Variants in RNF130 observed in about 807,000 individuals in gnomAD.
RNF130 encodes E3 ubiquitin-protein ligase RNF130.
In RNF130, 21 loss-of-function variants were observed where a neutral mutation model predicts 44.6. The ratio of observed to expected loss-of-function variants is 0.47; its 90% CI spans 0.33 to 0.68. The LOEUF is 0.68. RNF130 is among the 30% of genes least tolerant of loss of function. RNF130 has a pLI of 0.02. For missense variants in RNF130, 479 were observed against 560.6 expected, an observed-to-expected ratio of 0.85 and a Z score of 1.47; for synonymous variants, 214 against 210.4, an observed-to-expected ratio of 1.02 and a Z score of -0.15.
chr5:179,966,269 C>A (rs1250578647), intron 7 of RNF130, among the ~76,000 whole-genome samples: 5 of 151,996 alleles, frequency 3.3e-5, no homozygotes, highest in Admixed American at 6.6e-5. Context: ...TTTCTCCTAC[C>A]TCATGTACAA....
At chr5:180,039,371 G>A (rs765633886) in intron 2 of RNF130, among the ~76,000 whole-genome samples, 1 of 151,800 alleles carries the variant, frequency 6.6e-6, no homozygotes, top group Admixed American at 6.6e-5. Context: ...TCAGTAGCTG[G>A]GATTACAGGT....
At chr5:180,037,310 C>T (rs1016790259) in intron 2 of RNF130, among the ~76,000 whole-genome samples, 5 of 152,144 alleles carry the variant, frequency 3.3e-5, no homozygotes, top group African/African-American at 9.7e-5. Context: ...GAAATCTGCC[C>T]GCTGGCTCTC....
intron 7 of RNF130, chr5:179,920,480 C>T: frequency 1.4e-6 from 1 of 691,556 alleles, no homozygotes; most frequent in Non-Finnish European, 2.6e-6. Context: ...TTGTGTTTCT[C>T]ACATGGCTAG....
chr5:179,959,157 G>A (rs534648912), intron 8 of RNF130, among the ~76,000 whole-genome samples: 2 of 152,114 alleles, frequency 1.3e-5, no homozygotes, highest in South Asian at 2.1e-4. Context: ...GATCTTGGTA[G>A]GCATTCAATA....
chr5:179,955,572 G>A lies in RNF130; in HGVS notation c.*82C>T. On this transcript the variant is annotated 3_prime_UTR_variant, in exon 9 of 9. Coordinates refer to ENST00000521389, the MANE Select transcript of RNF130 (RefSeq NM_018434.6). Reference sequence around the variant, plus strand: ...ATGTACTAAAAATAAATGCTTGTGTGGCATGATTGGTAAATGATGCACAAA... The same window carrying A: ...ATGTACTAAAAATAAATGCTTGTGTAGCATGATTGGTAAATGATGCACAAA... 8.8e-7 allele frequency: 1 copy of A among 1,135,692 alleles called. No homozygotes were observed. The highest frequency in any genetic ancestry group is 1.3e-6 in the Non-Finnish European group (1 of 782,818). 70.4% of individuals were successfully genotyped at this position (1,135,692 alleles called of 1,614,324 possible).
chr5:179,968,739 A>G (rs116452264), intron 6 of RNF130, among the ~76,000 whole-genome samples: 125 of 151,758 alleles, frequency 8.2e-4, no homozygotes, highest in African/African-American at 2.9e-3. Flanking sequence ...GCTCTATGTT[A>G]GACCAGTCTG....
At chr5:180,071,278 G>C (rs1293242790) in intron 1 of RNF130, among the ~76,000 whole-genome samples, 178 bp downstream of exon 1, 3 of 152,220 alleles carry the variant, frequency 2.0e-5, no homozygotes, top group East Asian at 3.9e-4. Flanking sequence ...CACGCTCCTG[G>C]AGCCTGGTTC....
At chr5:179,919,587 GC>G (rs1226830471) in exon 8 of RNF130, 16 of 152,420 alleles carry the variant, frequency 1.0e-4, no homozygotes, top group Admixed American at 1.0e-3. Context: ...GTGTTCACAG[GC>G]TGCAGGGACG....
Position 179,966,818 on chromosome 5 carries a change from T to C in RNF130, c.1138A>G (p.Ile380Val). 2 of 1,613,820 alleles carry C rather than the reference T, an allele frequency of 1.2e-6. No individual in the cohort carries two copies. Among genetic ancestry groups the C allele is most frequent in the South Asian group, 1.1e-5 (1 of 91,010 alleles). ...ELTPRTGEIN[I>V]AVTKEWFIIA... ...GGCCCCCACTTACTTGTTACTGCAA[T>C]GTTGATTTCTCCTGTTCTCGGAGTG... The change falls in exon 7 of 9, where the codon ATT becomes GTT. Residue 380 changes from isoleucine (I) to valine (V), a missense_variant. This residue lies in a region of RNF130 where 161 missense variants were observed against 158.6 expected (regional missense o/e 1.02). Transcript: ENST00000521389.
intron 2 of RNF130, among the ~76,000 whole-genome samples, chr5:180,017,389 T>C (rs1211191854): frequency 6.6e-6 from 1 of 152,174 alleles, no homozygotes; most frequent in Non-Finnish European, 1.5e-5. Context: ...TAAATAAATG[T>C]TTTCCTCTTA....
At chr5:179,994,929 C>T (rs1285881199) in intron 3 of RNF130, among the ~76,000 whole-genome samples, 1 of 152,116 alleles carries the variant, frequency 6.6e-6, no homozygotes, top group East Asian at 1.9e-4. Flanking sequence ...CCAGGGAAAG[C>T]TCAGTGGTTT....
chr5:179,978,277 G>A lies in RNF130; in HGVS notation c.774C>T (p.Asp258=). The A allele has an allele frequency of 6.2e-7, 1 of 1,613,222 alleles. No individual in the cohort carries two copies. The highest frequency in any genetic ancestry group is 8.5e-7 in the Non-Finnish European group (1 of 1,179,166). Residue 258 remains aspartate, a synonymous_variant, in exon 5 of 9, where the codon GAC becomes GAT. Coordinates refer to ENST00000521389, the MANE Select transcript of RNF130 (RefSeq NM_018434.6). ...AGACTGCACAATGATCAAAGTCTGG[G>A]TCAGTTTCCTAAAATGAAAAGTACA... ...RTVKKGDKET[D]PDFDHCAVCI...
chr5:179,990,387 T>C (rs1763053322), intron 3 of RNF130, among the ~76,000 whole-genome samples: 1 of 152,210 alleles, frequency 6.6e-6, no homozygotes, highest in South Asian at 2.1e-4. Flanking sequence ...TTTAACACTT[T>C]CACTAATTTT....
At chr5:179,932,418 C>T (rs935283198) in intron 7 of RNF130, among the ~76,000 whole-genome samples, 9 of 151,908 alleles carry the variant, frequency 5.9e-5, no homozygotes, top group Admixed American at 2.0e-4. Flanking sequence ...CCACCACTCC[C>T]GGCTGATTTT....
intron 1 of RNF130, among the ~76,000 whole-genome samples, chr5:180,067,943 A>C (rs562187331): frequency 6.6e-6 from 1 of 152,382 alleles, no homozygotes; most frequent in African/African-American, 2.4e-5. Flanking sequence ...TAATAGGATT[A>C]CATTTTTAAA....
At chr5:180,005,293 T>G (rs1319347336) in intron 3 of RNF130, among the ~76,000 whole-genome samples, 1 of 152,106 alleles carries the variant, frequency 6.6e-6, no homozygotes, top group Admixed American at 6.5e-5. Context: ...TCGGGCCTGG[T>G]GGTGGGCACC....
chr5:179,914,607 G>C lies in RNF130; in HGVS notation c.*5710C>G, dbSNP rs559929003. ...CCCCTTGGGAGATTCTGCCTCCAGC[G>C]CATGGGAGGGTATGCATGCCTGTGG... On this transcript the variant is annotated 3_prime_UTR_variant, in exon 8 of 8. Coordinates refer to the RNF130 transcript ENST00000522208. The C allele has an allele frequency of 2.0e-5, 3 of 152,390 alleles. No individual in the cohort carries two copies. In the South Asian group the frequency reaches 6.2e-4, roughly 32 times the overall value. The allele number at this position is 152,390 out of a possible 1,614,324, so 9.4% of individuals were successfully genotyped here.
intron 1 of RNF130, among the ~76,000 whole-genome samples, chr5:180,044,592 G>A (rs963522527): frequency 6.6e-6 from 1 of 152,156 alleles, no homozygotes; most frequent in Admixed American, 6.5e-5. Context: ...CCAGCACTTT[G>A]GGAGGCCGAA....
At chr5:179,948,833 T>C (rs1432140153) in intron 7 of RNF130, among the ~76,000 whole-genome samples, 5 of 152,176 alleles carry the variant, frequency 3.3e-5, no homozygotes, top group Non-Finnish European at 7.3e-5. Context: ...TGTGATTTAA[T>C]GGACTTATCA....
Sources: allele counts gnomAD v4.1 joint callset (sites outside exome capture counted in the v4.1 genomes callset), GRCh38; gene constraint gnomAD v4.1.1; regional missense constraint gnomAD v4.1.1; transcripts MANE v1.5; gene names NCBI Gene and HGNC (gene_info 2026-07-23, HGNC 2026-07-21).